Variants in NFIB observed in about 807,000 individuals in gnomAD.
NFIB encodes the protein nuclear factor 1 B-type.
Under a neutral mutation model 61.5 loss-of-function variants are expected in NFIB, and 11 were observed. That is an observed-to-expected ratio of 0.18 (90% confidence interval 0.11 to 0.30). NFIB has a LOEUF of 0.30. NFIB is among the 10% of genes least tolerant of loss of function. The pLI is 1.00. For synonymous variants in NFIB, 260 were observed against 216.5 expected (o/e 1.20, Z -1.76); for missense variants, 471 against 608.9 (o/e 0.77, Z 2.38).
the NFIB span, among the ~76,000 whole-genome samples, chr9:14,420,018 C>T: frequency 6.6e-6 from 1 of 152,066 alleles, no homozygotes; most frequent in Non-Finnish European, 1.5e-5. Flanking sequence ...GGGGACAGGA[C>T]CTGATATACA....
At chr9:14,369,548 A>G (rs1331073345) in intron 1 of NFIB, among the ~76,000 whole-genome samples, 1 of 151,392 alleles carries the variant, frequency 6.6e-6, no homozygotes, top group African/African-American at 2.4e-5. Flanking sequence ...CCAAGCCAGA[A>G]CTCCTCAATC....
chr9:14,168,009 C>A (rs540608922), intron 3 of NFIB, among the ~76,000 whole-genome samples: 1 of 151,874 alleles, frequency 6.6e-6, no homozygotes, highest in African/African-American at 2.4e-5. Context: ...AATTCATCAT[C>A]AGTATGCTAC....
chr9:14,528,152 T>G, the NFIB span, among the ~76,000 whole-genome samples: 5 of 152,236 alleles, frequency 3.3e-5, no homozygotes, highest in Admixed American at 2.6e-4. Flanking sequence ...AAATGTTTGC[T>G]GTGAAAACAA....
the NFIB span, among the ~76,000 whole-genome samples, chr9:14,474,093 A>AT: frequency 3.3e-5 from 5 of 152,062 alleles, no homozygotes; most frequent in Admixed American, 6.6e-5. Context: ...TTCAAGGAGG[A>AT]TTTTTTCCCT....
chr9:14,395,580 C>T (rs2061674863), intron 1 of NFIB, among the ~76,000 whole-genome samples: 4 of 151,972 alleles, frequency 2.6e-5, no homozygotes, highest in Admixed American at 1.3e-4. Flanking sequence ...GAAATGTAAG[C>T]CGGCCCCGAT....
intron 2 of NFIB, among the ~76,000 whole-genome samples, chr9:14,292,895 C>T (rs2059194295): frequency 1.3e-5 from 2 of 152,202 alleles, no homozygotes; most frequent in African/African-American, 4.8e-5. Flanking sequence ...GATATGTCTT[C>T]TCCTATATGC....
Position 14,210,087 on chromosome 9 carries a change from A to G in NFIB, c.563-30307T>C, listed in dbSNP as rs558899801. 1.4e-4 allele frequency among the ~76,000 whole-genome samples: 22 copies of G among 152,302 alleles called. No homozygotes were observed. In the South Asian group the frequency reaches 4.4e-3, roughly 30 times the overall value. On this transcript the variant is annotated intron_variant, in intron 2 of 10. Transcript: ENST00000380953. ...GTATTTGTCTCCGACTTTGCCTAAC[A>G]ATTTGAATTGAAGCGCTACACATCT... is the stretch of plus-strand genomic sequence containing the variant.
chr9:14,395,968 G>A lies in NFIB; in HGVS notation c.108+2556C>T, dbSNP rs192703973. ...CACTGCAGCTGTCAGTGTTGGCTGC[G>A]GAAGCCAGTGATTGTCCTTGTAGCT... On this transcript the variant is annotated intron_variant, in intron 1 of 8. Coordinates refer to the NFIB transcript ENST00000380934. 1.2e-3 allele frequency among the ~76,000 whole-genome samples: 189 copies of A among 151,978 alleles called. 2 individuals are homozygous for A. The highest frequency in any genetic ancestry group is 4.3e-3 in the African/African-American group (178 of 41,486).
intron 2 of NFIB, among the ~76,000 whole-genome samples, chr9:14,275,572 A>G (rs74708991): frequency 4.9e-4 from 74 of 152,276 alleles, no homozygotes; most frequent in African/African-American, 1.6e-3. Context: ...ATCTGTGTAT[A>G]TAAGTGAAAA....
At chr9:14,381,380 G>A (rs991434307) in intron 1 of NFIB, among the ~76,000 whole-genome samples, 2 of 151,844 alleles carry the variant, frequency 1.3e-5, no homozygotes. Flanking sequence ...TTGTAGAGAC[G>A]GGGTTTTACC....
At chr9:14,192,397 T>C (rs1587477106) in intron 2 of NFIB, among the ~76,000 whole-genome samples, 1 of 152,172 alleles carries the variant, frequency 6.6e-6, no homozygotes, top group East Asian at 1.9e-4. Context: ...ACAATTGCTT[T>C]GAATCTTACC....
At chr9:14,364,366 G>A (rs1053884974) in intron 1 of NFIB, among the ~76,000 whole-genome samples, 1 of 152,176 alleles carries the variant, frequency 6.6e-6, no homozygotes, top group Admixed American at 6.5e-5. Context: ...TGAACTCCCT[G>A]CTCTGGGTGA....
intron 2 of NFIB, among the ~76,000 whole-genome samples, chr9:14,223,619 A>T (rs1370277663): frequency 6.6e-6 from 1 of 152,148 alleles, no homozygotes; most frequent in Non-Finnish European, 1.5e-5. Flanking sequence ...CAAAAGTTAA[A>T]TTTTTTGAGA....
the NFIB span, among the ~76,000 whole-genome samples, chr9:14,469,148 G>A: frequency 0.82 from 124,848 of 152,128 alleles, 51,407 homozygotes; most frequent in East Asian, 0.89. Context: ...TTCTTTTCCA[G>A]AGCAGCCAGG....
At chr9:14,274,692 A>G (rs1434584810) in intron 2 of NFIB, among the ~76,000 whole-genome samples, 1 of 152,200 alleles carries the variant, frequency 6.6e-6, no homozygotes, top group Non-Finnish European at 1.5e-5. Flanking sequence ...ATTTCTCTAG[A>G]GCAACTATCC....
intron 1 of NFIB, among the ~76,000 whole-genome samples, chr9:14,356,377 A>G (rs942753053): frequency 6.6e-6 from 1 of 152,120 alleles, no homozygotes; most frequent in African/African-American, 2.4e-5. Context: ...AGGATTTCAC[A>G]ATAAGAATAT....
chr9:14,300,466 T>C (rs1206610364), intron 2 of NFIB, among the ~76,000 whole-genome samples: 1 of 152,134 alleles, frequency 6.6e-6, no homozygotes, highest in Non-Finnish European at 1.5e-5. Flanking sequence ...AACTGGAAAA[T>C]GCTATTCTTT....
chr9:14,343,148 T>C (rs976646850), intron 1 of NFIB, among the ~76,000 whole-genome samples: 3 of 152,098 alleles, frequency 2.0e-5, no homozygotes, highest in African/African-American at 7.2e-5. Context: ...GATAAACAGT[T>C]TAGTCCTGTT....
At chr9:14,109,812 G>C (rs1184808796) in intron 10 of NFIB, among the ~76,000 whole-genome samples, 1 of 152,018 alleles carries the variant, frequency 6.6e-6, no homozygotes, top group African/African-American at 2.4e-5. Context: ...TAGTCTCCAG[G>C]ACTATGTGAA....
Sources: allele counts gnomAD v4.1 joint callset (sites outside exome capture counted in the v4.1 genomes callset), GRCh38; gene constraint gnomAD v4.1.1; transcripts MANE v1.5; gene names NCBI Gene and HGNC (gene_info 2026-07-23, HGNC 2026-07-21).